The following PRKAG2 variants were observed in gnomAD, a reference collection of about 807,000 sequenced individuals.
PRKAG2 encodes the protein protein kinase AMP-activated non-catalytic subunit gamma 2.
PRKAG2 carries 26 observed loss-of-function variants against 69.6 expected under a neutral mutation model. The observed-to-expected ratio is 0.37, with a 90% CI of 0.27 to 0.52. The LOEUF (loss-of-function observed/expected upper bound fraction) is 0.52. PRKAG2 is among the 20% of genes least tolerant of loss of function. PRKAG2 has a pLI of 0.90. For synonymous variants in PRKAG2, 293 were observed against 285.0 expected, an observed-to-expected ratio of 1.03 and a Z score of -0.28; for missense variants, 557 against 740.0, an observed-to-expected ratio of 0.75 and a Z score of 2.87.
At chr7:151,854,653 T>C (rs11975188) in intron 1 of PRKAG2, among the ~76,000 whole-genome samples, 2,827 of 152,268 alleles carry the variant, frequency 0.019, 101 homozygotes, top group African/African-American at 0.06. Context: ...GTTTGCACAA[T>C]TGGGCTGAGA....
intron 5 of PRKAG2, among the ~76,000 whole-genome samples, chr7:151,627,838 A>T (rs925391774): frequency 1.3e-5 from 2 of 152,060 alleles, no homozygotes; most frequent in Non-Finnish European, 2.9e-5. Flanking sequence ...AATTTTTAAA[A>T]TTTTTTATAA....
At chr7:151,822,503 G>A (rs888860397) in intron 1 of PRKAG2, among the ~76,000 whole-genome samples, 2 of 152,186 alleles carry the variant, frequency 1.3e-5, no homozygotes, top group Admixed American at 6.5e-5. Flanking sequence ...CTCAGAGCAC[G>A]CGGCGGCCCA....
At chr7:151,689,921 T>C (rs138087958) in intron 3 of PRKAG2, among the ~76,000 whole-genome samples, 1 of 152,236 alleles carries the variant, frequency 6.6e-6, no homozygotes, top group Non-Finnish European at 1.5e-5. Context: ...GAGGCAGGGA[T>C]CGTGAGCTCT....
In PRKAG2 at chr7:151,632,058, G is replaced by A. The variant is rs1824632372; in HGVS notation, c.754+11C>T. 1 of 1,380,966 alleles carries A rather than the reference G, an allele frequency of 7.2e-7. No individual in the cohort carries two copies. The highest frequency in any genetic ancestry group is 1.5e-5 in the African/African-American group (1 of 67,122). The allele number at this position is 1,380,966 out of a possible 1,614,324, so 85.5% of individuals were successfully genotyped here. On this transcript the variant is annotated intron_variant, in intron 5 of 15. Transcript: ENST00000287878. The surrounding 1 kb of genome is among the most constrained non-coding windows in gnomAD (Gnocchi z 4.2). ...GGAGCGCCGGGCCGGCAGCGGGCGG[G>A]GCGCACTCACCTTCGTCCTCGAACT...
At chr7:151,627,536 G>A (rs1461572064) in intron 5 of PRKAG2, among the ~76,000 whole-genome samples, 1 of 151,624 alleles carries the variant, frequency 6.6e-6, no homozygotes, top group Non-Finnish European at 1.5e-5. Context: ...TGAGGCATGA[G>A]AATTACTTGA....
At chr7:151,700,271 A>G (rs1231619137) in intron 3 of PRKAG2, among the ~76,000 whole-genome samples, 1 of 152,168 alleles carries the variant, frequency 6.6e-6, no homozygotes, top group Non-Finnish European at 1.5e-5. Flanking sequence ...AACACGACAG[A>G]GAAGAGCCCA....
intron 4 of PRKAG2, among the ~76,000 whole-genome samples, chr7:151,647,331 A>G (rs2151384148): frequency 1.3e-5 from 2 of 152,374 alleles, no homozygotes; most frequent in East Asian, 3.9e-4. Context: ...GCAGCCAGAA[A>G]CAGCCTAGGT....
chr7:151,700,053 C>T (rs1166287291), intron 3 of PRKAG2, among the ~76,000 whole-genome samples: 2 of 152,102 alleles, frequency 1.3e-5, no homozygotes, highest in Non-Finnish European at 2.9e-5. Flanking sequence ...ATGGAGTTCT[C>T]GGCAATGTGG....
At chr7:151,800,431 AGAC>A (rs1208896991) in intron 1 of PRKAG2, among the ~76,000 whole-genome samples, 5 of 151,616 alleles carry the variant, frequency 3.3e-5, no homozygotes, top group African/African-American at 1.2e-4. Context: ...GGAGGTGTCT[AGAC>A]TCAACCCCTC....
intron 5 of PRKAG2, among the ~76,000 whole-genome samples, chr7:151,625,437 CG>C (rs980935298): frequency 6.6e-6 from 1 of 152,056 alleles, no homozygotes; most frequent in Non-Finnish European, 1.5e-5. Context: ...GAGGGCGTGC[CG>C]GGAAGTGCGG....
At chr7:151,670,615 G>A (rs557720749) in intron 4 of PRKAG2, among the ~76,000 whole-genome samples, 2 of 152,278 alleles carry the variant, frequency 1.3e-5, no homozygotes, top group East Asian at 1.9e-4. Flanking sequence ...ATAACGGAAC[G>A]GGTTCTATCA....
intron 3 of PRKAG2, among the ~76,000 whole-genome samples, chr7:151,749,824 T>C (rs1450100520): frequency 6.7e-6 from 1 of 148,786 alleles, no homozygotes; most frequent in African/African-American, 2.5e-5. Flanking sequence ...GGGTCGGGCA[T>C]GGTGGCTCAT....
intron 5 of PRKAG2, among the ~76,000 whole-genome samples, chr7:151,623,593 C>G (rs1822095990): frequency 1.3e-5 from 2 of 152,130 alleles, no homozygotes; most frequent in Non-Finnish European, 1.5e-5. Context: ...GACCCCTGCT[C>G]TAGTGGATAT....
chr7:151,742,410 G>A (rs1276544677), intron 3 of PRKAG2, among the ~76,000 whole-genome samples: 1 of 152,110 alleles, frequency 6.6e-6, no homozygotes, highest in East Asian at 1.9e-4. Flanking sequence ...GGTGGATCAA[G>A]GTCAAGAGAT....
chr7:151,643,664 C>A (rs1827120558), intron 4 of PRKAG2, among the ~76,000 whole-genome samples: 1 of 152,218 alleles, frequency 6.6e-6, no homozygotes, highest in Admixed American at 6.5e-5. Flanking sequence ...CATTTACTAT[C>A]CACAGTGTTA....
In PRKAG2 at chr7:151,590,843, A is replaced by G. The variant is rs903685341; in HGVS notation, c.864+4502T>C. 4.3e-4 allele frequency among the ~76,000 whole-genome samples: 65 copies of G among 152,356 alleles called. 1 individual carries two copies. Among genetic ancestry groups the G allele is most frequent in the Admixed American group, 2.1e-3 (32 of 15,308 alleles). The stretch of plus-strand genomic sequence containing the variant: ...CACTAGTTTGGTGGGACTGATTGCT[A>G]TGAGTGGTCTTATGAGAAATTGTTC... On this transcript the variant is annotated intron_variant, in intron 6 of 15. Transcript: ENST00000287878.
chr7:151,639,227 C>A (rs996873065), intron 4 of PRKAG2, among the ~76,000 whole-genome samples: 1 of 152,210 alleles, frequency 6.6e-6, no homozygotes. Flanking sequence ...TCTTTTGAGA[C>A]AACCCACTTG....
At chr7:151,703,189 C>A (rs947498803) in intron 3 of PRKAG2, among the ~76,000 whole-genome samples, 1 of 152,150 alleles carries the variant, frequency 6.6e-6, no homozygotes, top group African/African-American at 2.4e-5. Context: ...CATCAGCGCG[C>A]GCGAAGCAAA....
At chr7:151,809,480 C>T (rs1229006771) in intron 1 of PRKAG2, 2 of 304,240 alleles carry the variant, frequency 6.6e-6, no homozygotes, top group Non-Finnish European at 1.3e-5. Context: ...GGTGCCTTCA[C>T]ATTGGTCTTC....
Sources: gnomAD v4.1 joint callset for allele counts (sites outside exome capture counted in the v4.1 genomes callset) on GRCh38, gnomAD v4.1.1 for gene constraint, Gnocchi (gnomAD v3.1) non-coding constraint, MANE v1.5 for transcripts, NCBI Gene and HGNC (gene_info 2026-07-23, HGNC 2026-07-21) for gene names.